The following VOPP1 variants were observed in gnomAD, a reference collection of about 807,000 sequenced individuals.
The protein encoded by VOPP1 is WW domain binding protein VOPP1.
VOPP1 carries 8 observed loss-of-function variants against 23.5 expected under a neutral mutation model. The observed-to-expected ratio is 0.34, with a 90% confidence interval of 0.20 to 0.61. The LOEUF is 0.61. Among genes scored for constraint, VOPP1 ranks in the 20% least tolerant of loss-of-function variants. The pLI is 0.78. For synonymous variants in VOPP1, 83 were observed against 97.3 expected, an observed-to-expected ratio of 0.85 and a Z score of 0.86; for missense variants, 174 against 238.1, an observed-to-expected ratio of 0.73 and a Z score of 1.77.
intron 1 of VOPP1, among the ~76,000 whole-genome samples, chr7:55,525,356 G>A (rs1796113772): frequency 6.6e-6 from 1 of 152,108 alleles, no homozygotes; most frequent in African/African-American, 2.4e-5. Context: ...GGGCGTGGTG[G>A]TGGGCGCCTG....
intron 1 of VOPP1, among the ~76,000 whole-genome samples, chr7:55,532,157 T>C (rs939133714): frequency 2.0e-5 from 3 of 152,240 alleles, no homozygotes; most frequent in African/African-American, 7.2e-5. Context: ...AAAGCTGAGA[T>C]GTGACTAAAG....
At chr7:55,555,353 C>T (rs1254614988) in intron 1 of VOPP1, among the ~76,000 whole-genome samples, 1 of 152,226 alleles carries the variant, frequency 6.6e-6, no homozygotes, top group African/African-American at 2.4e-5. Context: ...TTCAGCACTA[C>T]CATTTCCGCA....
At chr7:55,527,908 A>G (rs1796280705) in intron 1 of VOPP1, among the ~76,000 whole-genome samples, 1 of 151,316 alleles carries the variant, frequency 6.6e-6, no homozygotes. Context: ...AGTAATAAAA[A>G]AATCCCAGAG....
At chr7:55,523,574 A>G (rs564700573) in intron 1 of VOPP1, among the ~76,000 whole-genome samples, 2 of 152,280 alleles carry the variant, frequency 1.3e-5, no homozygotes, top group South Asian at 4.1e-4. Context: ...GCCCCATCAC[A>G]TACCAGTGAG....
intron 4 of VOPP1, among the ~76,000 whole-genome samples, chr7:55,458,134 T>C (rs188034642): frequency 6.6e-6 from 1 of 152,290 alleles, no homozygotes; most frequent in East Asian, 1.9e-4. Context: ...TTTCATTATT[T>C]TGCAGATGAA....
chr7:55,507,437 T>C (rs1160042209), intron 2 of VOPP1, among the ~76,000 whole-genome samples: 2 of 152,156 alleles, frequency 1.3e-5, no homozygotes, highest in Non-Finnish European at 2.9e-5. Flanking sequence ...AACAGCTTTA[T>C]TGATATATAC....
At chr7:55,537,523 C>T (rs939086102) in intron 1 of VOPP1, 25 of 1,536,110 alleles carry the variant, frequency 1.6e-5, no homozygotes, top group East Asian at 4.9e-5. Flanking sequence ...GCCCGTCCTT[C>T]GCATTCTGTT....
At chr7:55,497,570 GCA>G in intron 3 of VOPP1, 41 bp downstream of exon 3, 2 of 1,220,558 alleles carry the variant, frequency 1.6e-6, no homozygotes, top group South Asian at 1.4e-5. Flanking sequence ...GGGGGGGGGG[GCA>G]GAGCTCTCGG....
chr7:55,470,037 C>T (rs180969607), downstream of VOPP1, among the ~76,000 whole-genome samples: 54 of 152,052 alleles, frequency 3.6e-4, no homozygotes, highest in African/African-American at 2.4e-5. Context: ...AGAACAAGAC[C>T]CTGTCTCTAA....
chr7:55,495,167 C>T (rs149422949), intron 3 of VOPP1, among the ~76,000 whole-genome samples: 144 of 152,178 alleles, frequency 9.5e-4, no homozygotes, highest in African/African-American at 3.4e-3. Flanking sequence ...CTGCTGTGGA[C>T]TCACCCACAG....
At chr7:55,564,264 T>TCTCTCTCTCTCTCTCTCG (rs1369462395) in intron 1 of VOPP1, among the ~76,000 whole-genome samples, 58 of 151,044 alleles carry the variant, frequency 3.8e-4, no homozygotes, top group African/African-American at 3.2e-4. Context: ...TCTCTCTCTC[T>TCTCTCTCTCTCTCTCTCG]CTCGCTCGCT....
At chr7:55,531,341 T>A (rs990317256) in intron 1 of VOPP1, among the ~76,000 whole-genome samples, 2 of 138,700 alleles carry the variant, frequency 1.4e-5, no homozygotes, top group African/African-American at 2.6e-5. Context: ...CTTAAAGGCC[T>A]AATCCAGAAT....
chr7:55,498,833 C>T (rs552442158), intron 2 of VOPP1, among the ~76,000 whole-genome samples: 1 of 152,300 alleles, frequency 6.6e-6, no homozygotes, highest in East Asian at 1.9e-4. Context: ...CGGCCTGGAA[C>T]TCAGCAGACC....
chr7:55,522,539 T>TA (rs1381567184), intron 1 of VOPP1, among the ~76,000 whole-genome samples: 1 of 152,236 alleles, frequency 6.6e-6, no homozygotes, highest in Non-Finnish European at 1.5e-5. Flanking sequence ...TCTTCTGTGA[T>TA]AAACAGAGAA....
intron 4 of VOPP1, among the ~76,000 whole-genome samples, chr7:55,464,861 T>C (rs1791594150): frequency 6.6e-6 from 1 of 152,158 alleles, no homozygotes; most frequent in African/African-American, 2.4e-5. Context: ...TCTGGACTAA[T>C]GGCATTGGAG....
At chr7:55,521,883 T>C (rs1210586688) in intron 1 of VOPP1, 11 of 985,558 alleles carry the variant, frequency 1.1e-5, no homozygotes, top group Non-Finnish European at 1.3e-5. Context: ...AGAGATGCTC[T>C]TCCCATCTGA....
intron 4 of VOPP1, among the ~76,000 whole-genome samples, chr7:55,459,074 T>G (rs541204934): frequency 1.4e-5 from 1 of 71,834 alleles, no homozygotes; most frequent in East Asian, 2.8e-4. Context: ...TTGTTGAGAG[T>G]TTTTTTTTAT....
chr7:55,478,166 G>C (rs1439606057), intron 4 of VOPP1, among the ~76,000 whole-genome samples: 1 of 152,206 alleles, frequency 6.6e-6, no homozygotes, highest in Non-Finnish European at 1.5e-5. Context: ...GCACGGTCTG[G>C]AATGTGCCCA....
chr7:55,547,512 T>C (rs1797419596), intron 1 of VOPP1, among the ~76,000 whole-genome samples: 1 of 152,236 alleles, frequency 6.6e-6, no homozygotes, highest in Non-Finnish European at 1.5e-5. Context: ...CAGAACCTCA[T>C]GTAAACTTGA....
Sources: gnomAD v4.1 joint callset for allele counts (sites outside exome capture counted in the v4.1 genomes callset) on GRCh38, gnomAD v4.1.1 for gene constraint, MANE v1.5 for transcripts, NCBI Gene and HGNC (gene_info 2026-07-23, HGNC 2026-07-21) for gene names.